C7orf78: variants seen among roughly 807,000 people sequenced by gnomAD.
C7orf78 encodes the protein putative uncharacterized protein C7orf78.
the C7orf78 span, among the ~76,000 whole-genome samples, chr7:12,527,810 C>T: frequency 6.7e-6 from 1 of 149,446 alleles, no homozygotes; most frequent in African/African-American, 2.5e-5. Flanking sequence ...AACATGTCAG[C>T]TTTCCTAGTA....
At chr7:12,505,784 A>C in the C7orf78 span, among the ~76,000 whole-genome samples, 4 of 152,132 alleles carry the variant, frequency 2.6e-5, no homozygotes, top group South Asian at 2.1e-4. Context: ...GCACTATTTC[A>C]TTATTGTCTT....
chr7:12,511,169 G>C, the C7orf78 span, among the ~76,000 whole-genome samples: 1 of 151,970 alleles, frequency 6.6e-6, no homozygotes, highest in Non-Finnish European at 1.5e-5. Flanking sequence ...GTTCTTGGTG[G>C]CTTTGAGGAA....
At chr7:12,508,613 C>T in the C7orf78 span, among the ~76,000 whole-genome samples, 3 of 152,048 alleles carry the variant, frequency 2.0e-5, no homozygotes, top group African/African-American at 7.2e-5. Flanking sequence ...CAGGGTGAAA[C>T]CAATGTTAAC....
At chr7:12,525,825 A>G in the C7orf78 span, 1 of 396,958 alleles carries the variant, frequency 2.5e-6, no homozygotes, top group Non-Finnish European at 4.4e-6. Context: ...TCTAGTACCA[A>G]CCTGGTTTAC....
chr7:12,538,677 G>A, the C7orf78 span, among the ~76,000 whole-genome samples: 1 of 152,170 alleles, frequency 6.6e-6, no homozygotes, highest in South Asian at 2.1e-4. Flanking sequence ...TCATTGGTGG[G>A]ATTACTCACA....
chr7:12,534,775 A>C, the C7orf78 span, among the ~76,000 whole-genome samples: 1 of 152,278 alleles, frequency 6.6e-6, no homozygotes, highest in South Asian at 2.1e-4. Context: ...CAACATTAGG[A>C]AATCCTGTCT....
chr7:12,486,115 G>A, the C7orf78 span, among the ~76,000 whole-genome samples: 6 of 152,014 alleles, frequency 3.9e-5, no homozygotes, highest in Admixed American at 3.9e-4. Flanking sequence ...TGTAACCCCA[G>A]AAAATTAAAG....
chr7:12,510,821 A>G, the C7orf78 span, among the ~76,000 whole-genome samples: 1 of 152,166 alleles, frequency 6.6e-6, no homozygotes, highest in African/African-American at 2.4e-5. Flanking sequence ...TAGTTTGCAC[A>G]TATTCTCTTC....
the C7orf78 span, among the ~76,000 whole-genome samples, chr7:12,537,528 T>C: frequency 2.6e-5 from 4 of 152,254 alleles, no homozygotes; most frequent in African/African-American, 9.6e-5. Context: ...GGGGGAAGAA[T>C]TGGAACAAGT....
the C7orf78 span, among the ~76,000 whole-genome samples, chr7:12,506,586 A>C: frequency 6.6e-6 from 1 of 152,178 alleles, no homozygotes; most frequent in Admixed American, 6.5e-5. Context: ...GTGGGAGTTC[A>C]ACAATGAGAA....
the C7orf78 span, among the ~76,000 whole-genome samples, chr7:12,516,873 A>C: frequency 2.0e-5 from 3 of 152,190 alleles, no homozygotes; most frequent in African/African-American, 4.8e-5. Context: ...GTATCAAGGA[A>C]GTAACTAGCT....
the C7orf78 span, among the ~76,000 whole-genome samples, chr7:12,520,758 T>C: frequency 4.6e-5 from 7 of 152,330 alleles, no homozygotes; most frequent in South Asian, 4.1e-4. Flanking sequence ...TAGAATGCAG[T>C]TTAACTTTGA....
the C7orf78 span, among the ~76,000 whole-genome samples, chr7:12,490,865 T>A: frequency 0.29 from 44,741 of 151,898 alleles, 7,406 homozygotes; most frequent in African/African-American, 0.45. Flanking sequence ...CCATCATTCA[T>A]ATCTTCAGAT....
chr7:12,484,449 C>T, the C7orf78 span, among the ~76,000 whole-genome samples: 4 of 152,284 alleles, frequency 2.6e-5, no homozygotes, highest in South Asian at 8.3e-4. Context: ...AGAGATAACT[C>T]TTCTTTCTAC....
the C7orf78 span, chr7:12,540,805 T>G: frequency 6.6e-6 from 1 of 152,370 alleles, no homozygotes; most frequent in Admixed American, 6.5e-5. Context: ...GCAAATGACA[T>G]CTAGCATTTG....
At chr7:12,513,916 T>C in the C7orf78 span, among the ~76,000 whole-genome samples, 45 of 152,158 alleles carry the variant, frequency 3.0e-4, no homozygotes, top group African/African-American at 8.0e-4. Flanking sequence ...AGGAGAATGG[T>C]GTAAACCCAG....
At chr7:12,513,850 A>C in the C7orf78 span, among the ~76,000 whole-genome samples, 1 of 152,038 alleles carries the variant, frequency 6.6e-6, no homozygotes, top group African/African-American at 2.4e-5. Flanking sequence ...AATACAAAAA[A>C]TTAGCTGGGC....
At chr7:12,513,220 C>T in the C7orf78 span, among the ~76,000 whole-genome samples, 1 of 147,972 alleles carries the variant, frequency 6.8e-6, no homozygotes, top group Non-Finnish European at 1.5e-5. Flanking sequence ...TTTCTTCTGT[C>T]TTTCTCTCTT....
chr7:12,493,175 G>A, the C7orf78 span, among the ~76,000 whole-genome samples: 10 of 152,170 alleles, frequency 6.6e-5, no homozygotes, highest in African/African-American at 1.7e-4. Context: ...TAGCCTGGGC[G>A]GCAGAGCAAG....
Sources: gnomAD v4.1 joint callset for allele counts (sites outside exome capture counted in the v4.1 genomes callset) on GRCh38, gnomAD v4.1.1 for gene constraint, MANE v1.5 for transcripts, NCBI Gene and HGNC (gene_info 2026-07-23, HGNC 2026-07-21) for gene names.